Variants in ANKRD50 observed in about 807,000 individuals in gnomAD.
ANKRD50 encodes ankyrin repeat domain 50.
A neutral mutation model predicts 112.0 loss-of-function variants in ANKRD50; 40 were observed. That is an observed-to-expected ratio of 0.36 (90% CI 0.28 to 0.46). The LOEUF (loss-of-function observed/expected upper bound fraction) is 0.46, where lower values mean the gene tolerates loss of function less well. Among genes scored for constraint, ANKRD50 ranks in the 20% least tolerant of loss-of-function variants. The pLI, the probability that ANKRD50 is intolerant of heterozygous loss-of-function variation, is 1.00. For missense variants in ANKRD50, 1,487 were observed against 1,701.7 expected (o/e 0.87, Z 2.22); for synonymous variants, 613 against 619.1 (o/e 0.99, Z 0.15).
chr4:124,683,890 G>T (rs1369559902), intron 2 of ANKRD50, among the ~76,000 whole-genome samples: 27 of 123,756 alleles, frequency 2.2e-4, no homozygotes, highest in Middle Eastern at 4.6e-3. Context: ...CTTTTATATA[G>T]ATAATACATC....
rs745787834 is a variant in ANKRD50, at chr4:124,669,129, C to T, written c.4148G>A (p.Arg1383Gln). The T allele has an allele frequency of 3.1e-6, 5 of 1,613,604 alleles. No homozygotes were observed. The highest frequency in any genetic ancestry group is 1.7e-5 in the Admixed American group (1 of 59,962). ...QVFLGRVSVP[R>Q]TMQDRGHQEV... ...CTGATGCCCTCTATCTTGCATTGTT[C>T]GTGGGACTGAAACCCTACCAAGAAA... Residue 1383 changes from arginine to glutamine, a missense_variant, in exon 4 of 5, where the codon CGA becomes CAA. Arg to Gln is a conservative substitution (Grantham distance 43). Transcript: ENST00000504087.
intron 4 of ANKRD50, 96 bp from the exon 5 acceptor site, chr4:124,667,610 C>T (rs1730526728): frequency 6.6e-6 from 1 of 151,950 alleles, no homozygotes; most frequent in South Asian, 2.1e-4. Flanking sequence ...CTCTATATAT[C>T]TTTATCTATA....
chr4:124,679,018 T>A, intron 2 of ANKRD50, 113 bp from the exon 3 acceptor site: 2 of 807,374 alleles, frequency 2.5e-6, no homozygotes, highest in Non-Finnish European at 3.8e-6. Context: ...AAATAAGGTA[T>A]TAGAACAAAA....
chr4:124,698,159 A>G (rs1318775407), intron 2 of ANKRD50, among the ~76,000 whole-genome samples: 1 of 151,740 alleles, frequency 6.6e-6, no homozygotes, highest in African/African-American at 2.4e-5. Flanking sequence ...TAAATATGTC[A>G]TTGAGTAGGT....
intron 2 of ANKRD50, among the ~76,000 whole-genome samples, chr4:124,681,104 T>A (rs1228960802): frequency 6.6e-6 from 1 of 151,936 alleles, no homozygotes; most frequent in African/African-American, 2.4e-5. Flanking sequence ...ATAGGGTAAG[T>A]CTAGAAGGAA....
At position 124,671,661 on chromosome 4, in the gene ANKRD50, T is replaced by A; in HGVS notation, c.1616A>T (p.Asn539Ile). ...TGTTCTCCCATTTGAATCACACTGA[T>A]TTACTGAAGCTCCATTATCTAATAA... ...RTLLDNGASV[N>I]QCDSNGRTLL... Residue 539 changes from asparagine to isoleucine, a missense_variant, in exon 4 of 5, where the codon AAT becomes ATT. By Grantham distance (149) the Asn-to-Ile change is moderately radical. Coordinates refer to ENST00000504087, the MANE Select transcript of ANKRD50 (RefSeq NM_020337.3). The A allele has an allele frequency of 6.2e-7, 1 of 1,613,870 alleles. No homozygotes were observed. The highest frequency in any genetic ancestry group is 8.5e-7 in the Non-Finnish European group (1 of 1,179,842).
chr4:124,668,901 G>T, intron 4 of ANKRD50, 83 bp downstream of exon 4: 3 of 1,234,542 alleles, frequency 2.4e-6, no homozygotes, highest in Non-Finnish European at 2.2e-6. Context: ...TGAGGGAATT[G>T]GCCTTGTGAT....
At chr4:124,678,593 TGTTCAA>T in intron 3 of ANKRD50, 77 bp downstream of exon 3, 1 of 1,243,914 alleles carries the variant, frequency 8.0e-7, no homozygotes, top group Non-Finnish European at 1.1e-6. Context: ...AACACGCAGA[TGTTCAA>T]CTGCATACTT....
chr4:124,695,031 T>A (rs776091062), intron 2 of ANKRD50, among the ~76,000 whole-genome samples: 18 of 152,228 alleles, frequency 1.2e-4, no homozygotes, highest in South Asian at 4.1e-4. Flanking sequence ...TTAATTTTTT[T>A]AAAAAGAAAT....
At chr4:124,711,760 T>TAA (rs201656664) in intron 1 of ANKRD50, among the ~76,000 whole-genome samples, 40 of 144,042 alleles carry the variant, frequency 2.8e-4, no homozygotes, top group East Asian at 1.2e-3. Flanking sequence ...GGAAACGGTT[T>TAA]AAAAAAAAAA....
chr4:124,672,302 G>A lies in ANKRD50; in HGVS notation c.975C>T (p.Asp325=). Residue 325 remains aspartate, a synonymous_variant, in exon 4 of 5, where the codon GAC becomes GAT. Coordinates refer to ENST00000504087, the MANE Select transcript of ANKRD50 (RefSeq NM_020337.3). ...ATAAACCATTTAGAGTTCCTGGGAT[G>A]TCACGAATTTCTCTTAACATAATAA... ...ENFIMLREIR[D]IPGTLNGLYL... 6.2e-7 allele frequency: 1 copy of A among 1,613,540 alleles called. No homozygotes were observed. The highest frequency in any genetic ancestry group is 8.5e-7 in the Non-Finnish European group (1 of 1,179,756).
intron 2 of ANKRD50, among the ~76,000 whole-genome samples, chr4:124,707,721 G>C (rs931194677): frequency 2.6e-5 from 4 of 152,106 alleles, no homozygotes; most frequent in Non-Finnish European, 5.9e-5. Flanking sequence ...AATGCAAAGT[G>C]ATTGGCTCCT....
At chr4:124,689,231 T>A (rs1725077900) in intron 2 of ANKRD50, among the ~76,000 whole-genome samples, 1 of 152,206 alleles carries the variant, frequency 6.6e-6, no homozygotes, top group Non-Finnish European at 1.5e-5. Context: ...TAAATATTTA[T>A]GGAATGAATG....
At chr4:124,711,669 A>G (rs913208222) in intron 1 of ANKRD50, among the ~76,000 whole-genome samples, 2 of 152,026 alleles carry the variant, frequency 1.3e-5, no homozygotes, top group African/African-American at 4.8e-5. Flanking sequence ...TCAGTCAAGG[A>G]CTGTCTACTC....
intron 2 of ANKRD50, among the ~76,000 whole-genome samples, chr4:124,684,627 C>G (rs1241981854): frequency 1.3e-5 from 2 of 152,166 alleles, no homozygotes; most frequent in Non-Finnish European, 2.9e-5. Flanking sequence ...AGCATATGCA[C>G]TTATTTCAAC....
intron 2 of ANKRD50, among the ~76,000 whole-genome samples, chr4:124,687,954 A>G (rs570401674): frequency 2.6e-5 from 4 of 152,350 alleles, no homozygotes; most frequent in Non-Finnish European, 4.4e-5. Flanking sequence ...AGTTAAAGAT[A>G]CACCTACTAC....
At chr4:124,701,499 T>A (rs1352788473) in intron 2 of ANKRD50, among the ~76,000 whole-genome samples, 1 of 152,216 alleles carries the variant, frequency 6.6e-6, no homozygotes, top group Non-Finnish European at 1.5e-5. Flanking sequence ...TTCTATTTTA[T>A]CATTAAAGAC....
intron 3 of ANKRD50, among the ~76,000 whole-genome samples, chr4:124,676,836 T>C (rs1730784686): frequency 6.6e-6 from 1 of 151,524 alleles, no homozygotes; most frequent in African/African-American, 2.4e-5. Flanking sequence ...GAAAATAACT[T>C]TGACTTCCCA....
At chr4:124,674,256 T>C (rs1436802789) in intron 3 of ANKRD50, among the ~76,000 whole-genome samples, 3 of 151,994 alleles carry the variant, frequency 2.0e-5, no homozygotes, top group Non-Finnish European at 4.4e-5. Flanking sequence ...TAAGACTTTA[T>C]ATTACACTAC....
Sources: allele counts gnomAD v4.1 joint callset (sites outside exome capture counted in the v4.1 genomes callset), GRCh38; gene constraint gnomAD v4.1.1; transcripts MANE v1.5; gene names NCBI Gene and HGNC (gene_info 2026-07-23, HGNC 2026-07-21).